AP4S1: variants seen among roughly 807,000 people sequenced by gnomAD.
AP4S1 encodes the protein adaptor related protein complex 4 subunit sigma 1.
AP4S1 carries 23 observed loss-of-function variants against 19.8 expected under a neutral mutation model. The observed-to-expected ratio is 1.16, with a 90% CI of 0.84 to 1.65. The LOEUF (loss-of-function observed/expected upper bound fraction) is 1.65. AP4S1 is among the 40% of genes most tolerant of loss of function. AP4S1 has a pLI of 0.00. For missense variants in AP4S1, 166 were observed against 172.8 expected, an observed-to-expected ratio of 0.96 and a Z score of 0.22; for synonymous variants, 46 against 54.1, an observed-to-expected ratio of 0.85 and a Z score of 0.66.
chr14:31,089,084 C>T (rs1438246191), intron 5 of AP4S1, among the ~76,000 whole-genome samples: 1 of 148,386 alleles, frequency 6.7e-6, no homozygotes, highest in African/African-American at 2.5e-5. Context: ...CACTTGAGCA[C>T]AGGAGGTCGA....
intron 1 of AP4S1, among the ~76,000 whole-genome samples, chr14:31,031,946 A>T (rs1393705339): frequency 2.0e-5 from 3 of 152,042 alleles, no homozygotes; most frequent in Non-Finnish European, 4.4e-5. Flanking sequence ...AAAATAAAAC[A>T]ATTAACTGGG....
intron 5 of AP4S1, among the ~76,000 whole-genome samples, chr14:31,088,807 C>CAAAA (rs1283476951): frequency 1.7e-4 from 6 of 35,346 alleles, no homozygotes; most frequent in East Asian, 8.5e-4. Flanking sequence ...GACTCCATCT[C>CAAAA]AAAAAAAAAA....
In AP4S1 at chr14:31,032,006, G is replaced by A. The variant is rs1884418404; in HGVS notation, c.-72+6219G>A. 3.3e-5 allele frequency among the ~76,000 whole-genome samples: 5 copies of A among 150,888 alleles called. No individual in the cohort carries two copies. The South Asian group carries it at 1.0e-3, about 31-fold the overall frequency. ...CAGCTATTTGAGCGCGGGAGGTTGA[G>A]TCTGCAGTGAGCTATGATCACACCA... On this transcript the variant is annotated intron_variant, in intron 1 of 5. Coordinates refer to ENST00000542754, the MANE Select transcript of AP4S1 (RefSeq NM_001128126.3).
At position 31,072,950 on chromosome 14, in the gene AP4S1, T is replaced by C; in HGVS notation, c.271T>C (p.Leu91=). The C allele has an allele frequency of 6.2e-7, 1 of 1,613,982 alleles. No individual in the cohort carries two copies. The highest frequency in any genetic ancestry group is 8.5e-7 in the Non-Finnish European group (1 of 1,179,880). Residue 91 remains leucine (L), a synonymous_variant, in exon 4 of 6, where the codon TTA becomes CTA. Coordinates refer to ENST00000542754, the MANE Select transcript of AP4S1 (RefSeq NM_001128126.3). ...ATTCATTCATAACTTTGTGGAAGTT[T>C]TAGATGAGTATTTCAGCCGAGTGGT... ...YEFIHNFVEV[L]DEYFSRVSEL...
intron 5 of AP4S1, among the ~76,000 whole-genome samples, chr14:31,081,528 GTGTT>G (rs1348705695): frequency 6.6e-6 from 1 of 152,176 alleles, no homozygotes; most frequent in Non-Finnish European, 1.5e-5. Flanking sequence ...CTTTGTGCGA[GTGTT>G]TGGGAGGCAA....
In AP4S1 at chr14:31,039,226, C is replaced by G. The variant is rs112164655; in HGVS notation, c.-72+13439C>G. Among the ~76,000 whole-genome samples, 9 of 152,114 alleles carry G rather than the reference C, an allele frequency of 5.9e-5. 1 individual carries two copies. Among genetic ancestry groups the G allele is most frequent in the African/African-American group, 1.9e-4 (8 of 41,524 alleles). The stretch of plus-strand genomic sequence containing the variant: ...TTTGAGATGGAGTCTCGCTCTGTCG[C>G]CTAGGCTGGAGTGCAGTAGCGTGCT... On this transcript the variant is annotated intron_variant, in intron 1 of 5. Transcript: ENST00000542754.
In AP4S1 at chr14:31,093,448, G is replaced by GCTGTTTT. The variant is rs1167861509; in HGVS notation, c.*417_*423dup. ...TTAAACACAAGGCATTTTGAGTAACGCTGTTTTCTGAAAGCTATTTTTTTT... is the reference window on the plus strand; with the variant it reads ...TTAAACACAAGGCATTTTGAGTAACGCTGTTTTCTGTTTTCTGAAAGCTATTTTTTTT... On this transcript the variant is annotated 3_prime_UTR_variant, in exon 6 of 6. Coordinates refer to ENST00000542754, the MANE Select transcript of AP4S1 (RefSeq NM_001128126.3). 1 of 154,020 alleles carries GCTGTTTT rather than the reference G, an allele frequency of 6.5e-6. No individual in the cohort carries two copies. The highest frequency in any genetic ancestry group is 2.4e-5 in the African/African-American group (1 of 41,072). The allele number at this position is 154,020 out of a possible 1,614,324, so 9.5% of individuals were successfully genotyped here.
At chr14:31,060,196 C>CT in intron 1 of AP4S1, among the ~76,000 whole-genome samples, 1 of 151,646 alleles carries the variant, frequency 6.6e-6, no homozygotes, top group Non-Finnish European at 1.5e-5. Flanking sequence ...TTATATGCAC[C>CT]TTTTTTTCCC....
At chr14:31,041,951 C>G (rs1885134488) in intron 1 of AP4S1, among the ~76,000 whole-genome samples, 1 of 152,208 alleles carries the variant, frequency 6.6e-6, no homozygotes. Flanking sequence ...GCTTCAGCCT[C>G]CGTAGTAGCT....
intron 1 of AP4S1, among the ~76,000 whole-genome samples, chr14:31,032,593 G>A (rs932186720): frequency 4.0e-5 from 6 of 148,572 alleles, no homozygotes; most frequent in African/African-American, 1.2e-4. Context: ...GTGCGATCTC[G>A]GCTCACTGCA....
At chr14:31,045,190 C>T (rs1370839114) in intron 1 of AP4S1, among the ~76,000 whole-genome samples, 2 of 152,196 alleles carry the variant, frequency 1.3e-5, no homozygotes, top group African/African-American at 2.4e-5. Context: ...GCGTGAGCCA[C>T]CACGCCCAGC....
rs1169173761 is a variant in AP4S1 at position 31,095,569 on chromosome 14, C to A, written c.*2534C>A. ...GTAACTGGGACCACAGGTGCGCACC[C>A]CCTCCACCCAGCTAATTTTTGTATT... is the stretch of plus-strand genomic sequence containing the variant. On this transcript the variant is annotated 3_prime_UTR_variant, in exon 6 of 6. Transcript: ENST00000542754. 1 of 152,140 alleles carries A rather than the reference C, an allele frequency of 6.6e-6. No homozygotes were observed. The highest frequency in any genetic ancestry group is 2.4e-5 in the African/African-American group (1 of 41,386). The allele number at this position is 152,140 out of a possible 1,614,324, so 9.4% of individuals were successfully genotyped here.
At chr14:31,083,386 C>T (rs1253381683) in intron 5 of AP4S1, 1 of 433,796 alleles carries the variant, frequency 2.3e-6, no homozygotes, top group African/African-American at 2.1e-5. Flanking sequence ...CTTTCTAGAC[C>T]TGGAATATTA....
chr14:31,025,824 G>C, intron 1 of AP4S1, 37 bp downstream of exon 1: 1 of 1,530,618 alleles, frequency 6.5e-7, no homozygotes, highest in Non-Finnish European at 8.8e-7. Context: ...GCCGGCTCCG[G>C]CTGAGTGGAG....
intron 1 of AP4S1, among the ~76,000 whole-genome samples, chr14:31,062,075 A>AT (rs1379351123): frequency 6.6e-6 from 1 of 152,046 alleles, no homozygotes; most frequent in Non-Finnish European, 1.5e-5. Flanking sequence ...GAATGGGAAG[A>AT]TTTTTTTAAT....
At chr14:31,048,093 A>AT (rs1160411626) in intron 1 of AP4S1, among the ~76,000 whole-genome samples, 1,461 of 136,454 alleles carry the variant, frequency 0.011, 22 homozygotes, top group African/African-American at 0.029. Flanking sequence ...TATTTCTTTA[A>AT]TTTTTTTTTT....
chr14:31,049,152 G>A (rs1037574792), intron 1 of AP4S1, among the ~76,000 whole-genome samples: 2 of 151,638 alleles, frequency 1.3e-5, no homozygotes, highest in Admixed American at 6.6e-5. Context: ...GGTGGCTCAC[G>A]CCTGTAATCC....
At chr14:31,092,884 T>C (rs1888113384) in intron 5 of AP4S1, 23 bp from the exon 6 acceptor site, 1 of 1,463,744 alleles carries the variant, frequency 6.8e-7, no homozygotes, top group Non-Finnish European at 9.1e-7. Context: ...AACTTTAAAC[T>C]AATTTCCTTA....
chr14:31,092,885 A>G, intron 5 of AP4S1, 22 bp from the exon 6 acceptor site: 1 of 1,471,134 alleles, frequency 6.8e-7, no homozygotes, highest in Non-Finnish European at 9.1e-7. Flanking sequence ...ACTTTAAACT[A>G]ATTTCCTTAA....
Sources: gnomAD v4.1 joint callset for allele counts (sites outside exome capture counted in the v4.1 genomes callset) on GRCh38, gnomAD v4.1.1 for gene constraint, MANE v1.5 for transcripts, NCBI Gene and HGNC (gene_info 2026-07-23, HGNC 2026-07-21) for gene names.